Variants in LRGUK observed in about 807,000 individuals in gnomAD.
LRGUK encodes leucine-rich repeat and guanylate kinase domain-containing protein.
Under a neutral mutation model 76.0 loss-of-function variants are expected in LRGUK, and 65 were observed. The ratio of observed to expected loss-of-function variants is 0.85; its 90% CI spans 0.70 to 1.05. The LOEUF (loss-of-function observed/expected upper bound fraction) is 1.05. Among genes scored for constraint, LRGUK ranks in the 50% least tolerant of loss-of-function variants. The probability of loss-of-function intolerance (pLI) is 0.00; values close to 1 mark genes in which losing one functional copy is unlikely to be tolerated. For missense variants in LRGUK, 758 were observed against 732.8 expected (o/e 1.03, Z -0.40); for synonymous variants, 268 against 265.6 (o/e 1.01, Z -0.09).
At chr7:134,153,825 G>A (rs1359952709) in intron 5 of LRGUK, among the ~76,000 whole-genome samples, 2 of 152,144 alleles carry the variant, frequency 1.3e-5, no homozygotes, top group East Asian at 1.9e-4. Context: ...GATTGGTTTT[G>A]ATTAAAGCCA....
intron 16 of LRGUK, among the ~76,000 whole-genome samples, chr7:134,235,507 C>T (rs1801992323): frequency 2.0e-5 from 3 of 152,178 alleles, no homozygotes; most frequent in Non-Finnish European, 4.4e-5. Context: ...TGTGTCCTTC[C>T]TTGGCCCTCC....
intron 4 of LRGUK, among the ~76,000 whole-genome samples, chr7:134,143,418 C>G (rs1405993247): frequency 6.6e-6 from 1 of 152,048 alleles, no homozygotes; most frequent in Admixed American, 6.5e-5. Flanking sequence ...CTCTGGTCTC[C>G]TCTTTCCCTC....
chr7:134,208,314 A>C (rs1224870385), intron 15 of LRGUK, among the ~76,000 whole-genome samples: 1 of 152,202 alleles, frequency 6.6e-6, no homozygotes, highest in Non-Finnish European at 1.5e-5. Context: ...TCTGGCTTGG[A>C]TGTCCATCCT....
intron 1 of LRGUK, among the ~76,000 whole-genome samples, chr7:134,132,372 A>G (rs1339827395): frequency 6.6e-6 from 1 of 152,032 alleles, no homozygotes; most frequent in Non-Finnish European, 1.5e-5. Context: ...TAAAAAAAAA[A>G]GAAGATGGGA....
intron 17 of LRGUK, among the ~76,000 whole-genome samples, chr7:134,248,081 T>A (rs1802354338): frequency 6.6e-6 from 1 of 152,214 alleles, no homozygotes; most frequent in East Asian, 1.9e-4. Flanking sequence ...ACAGAGTGAT[T>A]AATTTTCTTC....
Position 134,127,665 on chromosome 7 carries a change from G to A in LRGUK, c.297+1G>A, listed in dbSNP as rs1320016714. On this transcript the variant is annotated splice_donor_variant, in intron 1 of 15. Transcript: ENST00000645682. LOFTEE classifies it high-confidence loss of function. ...AGAGTCCGAAATGCTGAATTTGGAG[G>A]TGTGTCTTCCCCCCCACCCCGTACT... 5 of 1,611,146 alleles carry A rather than the reference G, an allele frequency of 3.1e-6. 1 individual carries two copies. The South Asian group carries it at 4.4e-5, about 14-fold the overall frequency.
chr7:134,169,107 TC>T (rs1335771735), intron 7 of LRGUK, among the ~76,000 whole-genome samples: 2 of 150,260 alleles, frequency 1.3e-5, no homozygotes, highest in East Asian at 3.9e-4. Flanking sequence ...AAACCCAATG[TC>T]CTGATAAGAG....
At chr7:134,249,253 C>A (rs1433992826) in intron 18 of LRGUK, among the ~76,000 whole-genome samples, 177 bp downstream of exon 18, 1 of 152,128 alleles carries the variant, frequency 6.6e-6, no homozygotes, top group East Asian at 1.9e-4. Context: ...AGGCATATAA[C>A]CTAGGTTCAC....
At chr7:134,233,901 C>T (rs1801958496) in intron 16 of LRGUK, among the ~76,000 whole-genome samples, 1 of 152,190 alleles carries the variant, frequency 6.6e-6, no homozygotes, top group African/African-American at 2.4e-5. Context: ...CTGCCGGCCA[C>T]ATGTGGTTGA....
chr7:134,209,695 A>C, exon 16 of LRGUK: 1 of 399,636 alleles, frequency 2.5e-6, no homozygotes. Flanking sequence ...CCCGGGAAGC[A>C]GACACCAGTA....
In LRGUK at chr7:134,260,527, G is replaced by A. The variant is rs570385345; in HGVS notation, c.2347+2122G>A. Among the ~76,000 whole-genome samples the A allele has an allele frequency of 3.9e-5, 6 of 152,310 alleles. No homozygotes were observed. The South Asian group carries it at 1.2e-3, about 32-fold the overall frequency. On this transcript the variant is annotated intron_variant, in intron 19 of 19. Coordinates refer to the LRGUK transcript ENST00000285928. ...GACTAATTAGTGGCGTGTGTTCTAA[G>A]CCTAGGATCAGGCTTGCATGCAGGC... is the stretch of plus-strand genomic sequence containing the variant.
chr7:134,257,416 G>C (rs1324826024), intron 18 of LRGUK, among the ~76,000 whole-genome samples: 4 of 152,090 alleles, frequency 2.6e-5, no homozygotes, highest in Non-Finnish European at 5.9e-5. Flanking sequence ...TGAAGAAACA[G>C]GTGAATCCCA....
At chr7:134,229,968 C>T (rs1801852884) in intron 16 of LRGUK, among the ~76,000 whole-genome samples, 1 of 151,950 alleles carries the variant, frequency 6.6e-6, no homozygotes, top group Non-Finnish European at 1.5e-5. Context: ...TTTTTATGAT[C>T]ATGGGGTCAA....
chr7:134,189,461 A>G (rs1800109550), intron 11 of LRGUK, among the ~76,000 whole-genome samples: 1 of 152,128 alleles, frequency 6.6e-6, no homozygotes, highest in Admixed American at 6.6e-5. Context: ...AAAAACACAG[A>G]TCATCTTAGG....
intron 6 of LRGUK, among the ~76,000 whole-genome samples, chr7:134,159,288 G>A (rs1440237138): frequency 2.0e-5 from 3 of 146,840 alleles, no homozygotes; most frequent in African/African-American, 7.6e-5. Flanking sequence ...AGTGAGTCAC[G>A]ATCATGTCAC....
intron 19 of LRGUK, among the ~76,000 whole-genome samples, chr7:134,261,417 A>T (rs187603114): frequency 2.0e-5 from 3 of 151,982 alleles, no homozygotes; most frequent in Admixed American, 6.5e-5. Flanking sequence ...CATATTCTCT[A>T]TTCTCCCATA....
At chr7:134,232,425 C>T (rs769063597) in intron 16 of LRGUK, among the ~76,000 whole-genome samples, 12 of 152,032 alleles carry the variant, frequency 7.9e-5, no homozygotes, top group Non-Finnish European at 1.3e-4. Flanking sequence ...ATTACAGGCA[C>T]GTGCCACCAC....
At position 134,240,897 on chromosome 7, in the gene LRGUK, T is replaced by G. The variant is rs542683630; in HGVS notation, c.1984-6659T>G. On this transcript the variant is annotated intron_variant, in intron 16 of 19. Transcript: ENST00000285928. ...AGCCAGAAGAGAGTGGGGGCCAATA[T>G]TCAACATTCTTAAAGAAAAGAATTT... is the stretch of plus-strand genomic sequence containing the variant. Among the ~76,000 whole-genome samples, 61 of 152,318 alleles carry G rather than the reference T, an allele frequency of 4.0e-4. No individual in the cohort carries two copies. In the East Asian group the frequency reaches 0.01, roughly 26 times the overall value.
chr7:134,246,055 C>T lies in LRGUK; in HGVS notation c.1984-1501C>T, dbSNP rs956157445. Among the ~76,000 whole-genome samples the T allele has an allele frequency of 7.9e-5, 12 of 152,266 alleles. No homozygotes were observed. The South Asian group carries it at 2.3e-3, about 29-fold the overall frequency. On this transcript the variant is annotated intron_variant, in intron 16 of 19. Transcript: ENST00000285928. ...TAAAATGATTTTGGTAATCAAGTAT[C>T]CACCAGAGAGTGTGTTCAGTGAGCC... is the stretch of plus-strand genomic sequence containing the variant.
Sources: allele counts gnomAD v4.1 joint callset (sites outside exome capture counted in the v4.1 genomes callset), GRCh38; gene constraint gnomAD v4.1.1; transcripts MANE v1.5; gene names NCBI Gene and HGNC (gene_info 2026-07-23, HGNC 2026-07-21).